KIRREL3: variants seen among roughly 807,000 people sequenced by gnomAD.
KIRREL3 encodes the protein kin of IRRE-like protein 3.
A neutral mutation model predicts 89.7 loss-of-function variants in KIRREL3; 36 were observed. The ratio of observed to expected loss-of-function variants is 0.40; its 90% CI spans 0.31 to 0.53. KIRREL3 has a LOEUF of 0.53. Ranked by LOEUF, KIRREL3 falls within the 20% of genes least tolerant of loss-of-function variation. The pLI, the probability that KIRREL3 is intolerant of heterozygous loss-of-function variation, is 0.49. For missense variants in KIRREL3, 864 were observed against 1,056.6 expected, an observed-to-expected ratio of 0.82 and a Z score of 2.53; for synonymous variants, 445 against 441.4, an observed-to-expected ratio of 1.01 and a Z score of -0.10.
upstream of KIRREL3, among the ~76,000 whole-genome samples, chr11:127,002,199 A>G (rs1016114207): frequency 1.3e-5 from 2 of 152,242 alleles, no homozygotes; most frequent in African/African-American, 4.8e-5. Flanking sequence ...AGGAGCTGAC[A>G]TCTGGTAGTT....
In KIRREL3 at chr11:126,443,583, G is replaced by C. The variant is rs563651362; in HGVS notation, c.1252+1396C>G. Among the ~76,000 whole-genome samples the C allele has an allele frequency of 1.1e-3, 164 of 152,184 alleles. 1 individual carries two copies. The South Asian group carries it at 0.012, about 12-fold the overall frequency. On this transcript the variant is annotated intron_variant, in intron 10 of 16. Transcript: ENST00000525144. The surrounding 1 kb of genome is among the most constrained non-coding windows in gnomAD (Gnocchi z 7.3). The stretch of plus-strand genomic sequence containing the variant: ...TTGGGGGCTGCCACGACTCTGGGGT[G>C]GGGGGAGAGGAATGGAAATGCGGGG...
rs1022680985 is a variant in KIRREL3, at chr11:126,427,561, C to T, written c.1806+1618G>A. Among the ~76,000 whole-genome samples the T allele has an allele frequency of 6.6e-6, 1 of 152,104 alleles. No individual in the cohort carries two copies. The highest frequency in any genetic ancestry group is 2.4e-5 in the African/African-American group (1 of 41,398). On this transcript the variant is annotated intron_variant, in intron 15 of 16. Coordinates refer to ENST00000525144, the MANE Select transcript of KIRREL3 (RefSeq NM_032531.4). This position sits in a 1 kb window ranked among gnomAD's most constrained non-coding sequence, Gnocchi z 5.3. ...ACAGGCCTTTGAAGTCCAAAAGATT[C>T]GAAGGCCAGGAATCAAGCTCTTTGG...
rs1434206056 is a variant in KIRREL3, at chr11:126,694,371, TC to T, written c.56-131460del. ...AGTGAGCGTGCACCGGAGTTGTGTC[TC>T]CCCTGGCTGTGGGGCTGTCTGGACT... On this transcript the variant is annotated intron_variant, in intron 1 of 16. Coordinates refer to ENST00000525144, the MANE Select transcript of KIRREL3 (RefSeq NM_032531.4). This position sits in a 1 kb window ranked among gnomAD's most constrained non-coding sequence, Gnocchi z 4.4. Among the ~76,000 whole-genome samples, 1 of 152,214 alleles carries T rather than the reference TC, an allele frequency of 6.6e-6. No individual in the cohort carries two copies. The highest frequency in any genetic ancestry group is 6.5e-5 in the Admixed American group (1 of 15,286).
rs955398421 is a variant in KIRREL3 at position 126,491,922 on chromosome 11, G to A, written c.434-18456C>T. On this transcript the variant is annotated intron_variant, in intron 4 of 16. Coordinates refer to ENST00000525144, the MANE Select transcript of KIRREL3 (RefSeq NM_032531.4). This position sits in a 1 kb window ranked among gnomAD's most constrained non-coding sequence, Gnocchi z 5.5. Reference sequence around the variant, plus strand: ...TCACCATGTTGGCCAGGCTGGTCTCGAACTCCAGACCTCAAGTGATCCTCC... The same window carrying A: ...TCACCATGTTGGCCAGGCTGGTCTCAAACTCCAGACCTCAAGTGATCCTCC... Among the ~76,000 whole-genome samples the A allele has an allele frequency of 3.9e-5, 6 of 152,114 alleles. No individual in the cohort carries two copies. The highest frequency in any genetic ancestry group is 5.9e-5 in the Non-Finnish European group (4 of 67,996).
chr11:126,622,443 A>G lies in KIRREL3; in HGVS notation c.56-59531T>C, dbSNP rs1943611452. The stretch of plus-strand genomic sequence containing the variant: ...CTACTGGTCCCTCTGGAGGAAGGGT[A>G]GCTACTGATGAGCCTTCCCTGCAGC... On this transcript the variant is annotated intron_variant, in intron 1 of 16. Coordinates refer to ENST00000525144, the MANE Select transcript of KIRREL3 (RefSeq NM_032531.4). The surrounding 1 kb of genome is among the most constrained non-coding windows in gnomAD (Gnocchi z 5.2). Among the ~76,000 whole-genome samples the G allele has an allele frequency of 6.6e-6, 1 of 152,198 alleles. No homozygotes were observed. The highest frequency in any genetic ancestry group is 1.5e-5 in the Non-Finnish European group (1 of 68,044).
chr11:126,959,370 TAC>T (rs1291660296), intron 1 of KIRREL3, among the ~76,000 whole-genome samples: 2 of 152,076 alleles, frequency 1.3e-5, no homozygotes, highest in African/African-American at 4.8e-5. Context: ...CACACACACA[TAC>T]ACACACACAC....
chr11:126,866,473 C>T (rs995353937), intron 1 of KIRREL3, among the ~76,000 whole-genome samples: 1 of 152,284 alleles, frequency 6.6e-6, no homozygotes, highest in Middle Eastern at 3.4e-3. Flanking sequence ...TCGCTCCTTG[C>T]CAGTGACAGT....
Position 126,651,405 on chromosome 11 carries a change from T to A in KIRREL3, c.56-88493A>T, listed in dbSNP as rs1944902152. The stretch of plus-strand genomic sequence containing the variant: ...GACTATTTTTGAGAACCATGCATGC[T>A]CTTTCCAGATATCAGTGGACAGCAT... On this transcript the variant is annotated intron_variant, in intron 1 of 16. Transcript: ENST00000525144. The surrounding 1 kb of genome is among the most constrained non-coding windows in gnomAD (Gnocchi z 4.6). Among the ~76,000 whole-genome samples the A allele has an allele frequency of 6.6e-6, 1 of 152,214 alleles. No individual in the cohort carries two copies. The highest frequency in any genetic ancestry group is 1.5e-5 in the Non-Finnish European group (1 of 68,026).
chr11:126,438,115 G>A (rs1955428516), intron 11 of KIRREL3, among the ~76,000 whole-genome samples: 1 of 152,262 alleles, frequency 6.6e-6, no homozygotes, highest in African/African-American at 2.4e-5. Context: ...CTGTTGGCCT[G>A]CGCACTGCGC....
chr11:126,662,334 G>A (rs1945443865), intron 1 of KIRREL3, among the ~76,000 whole-genome samples: 1 of 152,238 alleles, frequency 6.6e-6, no homozygotes, highest in Non-Finnish European at 1.5e-5. Context: ...AGGCCCCTTG[G>A]AGAGCACTAG....
intron 1 of KIRREL3, among the ~76,000 whole-genome samples, chr11:126,951,340 C>T (rs1948768268): frequency 6.6e-6 from 1 of 152,212 alleles, no homozygotes; most frequent in South Asian, 2.1e-4. Flanking sequence ...CATATTTTTA[C>T]ATTTTCTCTA....
In KIRREL3 at chr11:126,656,262, G is replaced by T. The variant is rs552882090; in HGVS notation, c.56-93350C>A. 9.6e-6 allele frequency: 4 copies of T among 415,734 alleles called. No homozygotes were observed. The highest frequency in any genetic ancestry group is 5.2e-5 in the Admixed American group (2 of 38,418). The allele number at this position is 415,734 out of a possible 1,614,324, so 25.8% of individuals were successfully genotyped here. A position where few individuals can be genotyped will look rare whatever the true frequency, so the allele number is the denominator to read the frequency against. The stretch of plus-strand genomic sequence containing the variant: ...GCCGTTCATATCTGTGAGATATCAG[G>T]CTGGTTTCTTAACCATAACCTCCAT... On this transcript the variant is annotated intron_variant, in intron 1 of 16. Coordinates refer to ENST00000525144, the MANE Select transcript of KIRREL3 (RefSeq NM_032531.4). This position sits in a 1 kb window ranked among gnomAD's most constrained non-coding sequence, Gnocchi z 4.0.
chr11:126,424,740 T>C lies in KIRREL3; in HGVS notation c.2177A>G (p.Gln726Arg). ...GCTGCTGCTGACGCTGCTGTCACAC[T>C]GCGTGTCCAGGAAGGAGCTGCTGTC... Reference protein sequence around the residue: ...LSDSSSFLDTQCDSSVSSSGK... With the variant: ...LSDSSSFLDTRCDSSVSSSGK... Residue 726 changes from glutamine (Q) to arginine (R), a missense_variant, in exon 17 of 17, where the codon CAG (glutamine) becomes CGG (arginine). Gln to Arg is a conservative substitution (Grantham distance 43, BLOSUM62 1). Coordinates refer to ENST00000525144, the MANE Select transcript of KIRREL3 (RefSeq NM_032531.4). The C allele has an allele frequency of 6.2e-7, 1 of 1,614,042 alleles. No homozygotes were observed. Among genetic ancestry groups the C allele is most frequent in the Non-Finnish European group, 8.5e-7 (1 of 1,179,896 alleles).
At chr11:126,963,340 C>G (rs1216081001) in intron 1 of KIRREL3, among the ~76,000 whole-genome samples, 1 of 151,438 alleles carries the variant, frequency 6.6e-6, no homozygotes, top group Non-Finnish European at 1.5e-5. Context: ...CACACAGACA[C>G]ACACACAGAC....
intron 1 of KIRREL3, among the ~76,000 whole-genome samples, chr11:126,657,278 A>AAATCAATC (rs1409560857): frequency 2.0e-5 from 3 of 151,824 alleles, no homozygotes; most frequent in Non-Finnish European, 4.4e-5. Flanking sequence ...ATAAATAAAT[A>AAATCAATC]AATCTTCATG....
chr11:126,648,290 G>C (rs1242898457), intron 1 of KIRREL3, among the ~76,000 whole-genome samples: 3 of 152,198 alleles, frequency 2.0e-5, no homozygotes, highest in Non-Finnish European at 4.4e-5. Context: ...ATAGTAATGA[G>C]AGAATGGATG....
At chr11:126,572,740 C>A (rs1784000) in intron 1 of KIRREL3, among the ~76,000 whole-genome samples, 2,342 of 152,212 alleles carry the variant, frequency 0.015, 26 homozygotes, top group Middle Eastern at 0.031. Flanking sequence ...AGAATGCCTG[C>A]CTACTCAGGG....
rs993165392 is a variant in KIRREL3, at chr11:126,755,641, A to G, written c.56-192729T>C. Among the ~76,000 whole-genome samples, 2 of 152,174 alleles carry G rather than the reference A, an allele frequency of 1.3e-5. No homozygotes were observed. Among genetic ancestry groups the G allele is most frequent in the African/African-American group, 4.8e-5 (2 of 41,442 alleles). On this transcript the variant is annotated intron_variant, in intron 1 of 16. Transcript: ENST00000525144. The surrounding 1 kb of genome is among the most constrained non-coding windows in gnomAD (Gnocchi z 4.3). ...ACTCTCAACTTCCCTGAGTGCCTGT[A>G]CACCCCCGCCCCCAATTCTTGTTGC...
chr11:126,632,732 T>C (rs1344647728), intron 1 of KIRREL3, among the ~76,000 whole-genome samples: 1 of 1,910 alleles, frequency 5.2e-4, no homozygotes, highest in African/African-American at 2.1e-3. Flanking sequence ...GTAACAAGTA[T>C]ACTAATGTCT....
Sources: gnomAD v4.1 joint callset for allele counts (sites outside exome capture counted in the v4.1 genomes callset) on GRCh38, gnomAD v4.1.1 for gene constraint, Gnocchi (gnomAD v3.1) non-coding constraint, MANE v1.5 for transcripts, NCBI Gene and HGNC (gene_info 2026-07-23, HGNC 2026-07-21) for gene names.